SETX: variants seen among roughly 807,000 people sequenced by gnomAD.
The protein encoded by SETX is senataxin, also known as helicase senataxin.
A neutral mutation model predicts 227.2 loss-of-function variants in SETX; 90 were observed. That is an observed-to-expected ratio of 0.40 (90% CI 0.33 to 0.47). The LOEUF is 0.47. Among genes scored for constraint, SETX ranks in the 20% least tolerant of loss-of-function variants. The probability of loss-of-function intolerance (pLI) is 0.91; values close to 1 mark genes in which losing one functional copy is unlikely to be tolerated. For synonymous variants in SETX, 1,210 were observed against 1,113.2 expected (o/e 1.09, Z -1.73); for missense variants, 3,052 against 3,181.5 (o/e 0.96, Z 0.98).
At chr9:132,344,603 G>A (rs922939452) in intron 4 of SETX, among the ~76,000 whole-genome samples, 1 of 152,120 alleles carries the variant, frequency 6.6e-6, no homozygotes, top group Non-Finnish European at 1.5e-5. Context: ...GGCCAGGCAC[G>A]CTGGCTTACA....
chr9:132,262,298 G>A lies in SETX; in HGVS notation c.*1941C>T, dbSNP rs143266936. On this transcript the variant is annotated 3_prime_UTR_variant, in exon 26 of 26. Transcript: ENST00000224140. Reference sequence around the variant, plus strand: ...TAGTATTAACATGAGCAGCGTGAGAGACATCCTGACCCCAACGTTTTTGCC... The same window carrying A: ...TAGTATTAACATGAGCAGCGTGAGAAACATCCTGACCCCAACGTTTTTGCC... 2 of 152,202 alleles carry A rather than the reference G, an allele frequency of 1.3e-5. No homozygotes were observed. The highest frequency in any genetic ancestry group is 6.5e-5 in the Admixed American group (1 of 15,278). 9.4% of individuals were successfully genotyped at this position (152,202 alleles called of 1,614,324 possible). A position where few individuals can be genotyped will look rare whatever the true frequency, so the allele number is the denominator to read the frequency against.
intron 10 of SETX, among the ~76,000 whole-genome samples, chr9:132,320,560 C>T (rs772146929): frequency 2.9e-5 from 4 of 135,760 alleles, no homozygotes; most frequent in Non-Finnish European, 6.1e-5. Flanking sequence ...CACCACTGCA[C>T]TCCAGCCTGA....
At chr9:132,266,151 T>G (rs1320503632) in intron 25 of SETX, 2 of 152,350 alleles carry the variant, frequency 1.3e-5, no homozygotes, top group Non-Finnish European at 2.9e-5. Context: ...TCCTGTACTG[T>G]TCATAAAGGT....
At chr9:132,304,542 T>C (rs1348687723) in intron 11 of SETX, among the ~76,000 whole-genome samples, 3 of 146,908 alleles carry the variant, frequency 2.0e-5, no homozygotes, top group Non-Finnish European at 4.5e-5. Flanking sequence ...AACATACTAA[T>C]GAAAATTCTC....
At chr9:132,317,146 T>C (rs187290922) in intron 10 of SETX, among the ~76,000 whole-genome samples, 9 of 152,342 alleles carry the variant, frequency 5.9e-5, no homozygotes, top group Non-Finnish European at 1.2e-4. Flanking sequence ...TTTCCATAAG[T>C]GTCTCATGCA....
Position 132,330,271 on chromosome 9 carries a change from C to A in SETX, c.1327G>T (p.Val443Phe), listed in dbSNP as rs915069554. 2 of 1,583,888 alleles carry A rather than the reference C, an allele frequency of 1.3e-6. No homozygotes were observed. Among genetic ancestry groups the A allele is most frequent in the Non-Finnish European group, 1.7e-6 (2 of 1,163,686 alleles). ...CACACAGCATCTGTTTGGTTGAGGA[C>A]TTCTTTGACTTCAGAGTACAGATGA... ...VNHLYSEVKE[V>F]LNQTDAVCDK... is the part of the protein sequence containing the mutation. Residue 443 changes from valine to phenylalanine, a missense_variant, in exon 10 of 26, where the codon GTC becomes TTC. Around this residue, in one of 10 missense-constraint regions of SETX, gnomAD observed 179 missense variants for 197.1 expected, o/e 0.91. Coordinates refer to ENST00000224140, the MANE Select transcript of SETX (RefSeq NM_015046.7).
At chr9:132,347,078 A>G (rs921463397) in intron 3 of SETX, among the ~76,000 whole-genome samples, 4 of 151,846 alleles carry the variant, frequency 2.6e-5, no homozygotes, top group Non-Finnish European at 5.9e-5. Context: ...AACACGGAGG[A>G]ACCTCGTCTC....
intron 19 of SETX, among the ~76,000 whole-genome samples, chr9:132,282,202 G>A (rs911019818): frequency 2.6e-5 from 4 of 151,460 alleles, no homozygotes; most frequent in Non-Finnish European, 5.9e-5. Flanking sequence ...TCCTAGATGC[G>A]TGCTTTTTGT....
intron 11 of SETX, among the ~76,000 whole-genome samples, chr9:132,308,234 T>C (rs905487106): frequency 7.9e-5 from 12 of 152,288 alleles, no homozygotes; most frequent in African/African-American, 2.9e-4. Flanking sequence ...TGATGGAACA[T>C]ACCACCAACT....
intron 4 of SETX, among the ~76,000 whole-genome samples, chr9:132,344,671 T>C (rs1217783183): frequency 2.0e-5 from 3 of 152,162 alleles, no homozygotes; most frequent in Non-Finnish European, 4.4e-5. Flanking sequence ...GGTCAGGAGC[T>C]TGAGACTAGC....
intron 20 of SETX, 120 bp from the exon 21 acceptor site, chr9:132,278,377 C>T: frequency 2.4e-6 from 2 of 841,636 alleles, no homozygotes; most frequent in Non-Finnish European, 3.8e-6. Flanking sequence ...CATAAGATTA[C>T]CAACCACAGC....
At chr9:132,299,477 C>T (rs1460600083) in intron 12 of SETX, among the ~76,000 whole-genome samples, 2 of 152,178 alleles carry the variant, frequency 1.3e-5, no homozygotes, top group African/African-American at 4.8e-5. Flanking sequence ...ATCCTATATT[C>T]TACAGAATTA....
At position 132,337,407 on chromosome 9, in the gene SETX, G is replaced by C. The variant is rs149718563; in HGVS notation, c.499-892C>G. ...TGATTTTAAATTTCTTGGAGACTATGAATTAAATTTAGTGCTCACAACCAA... is the reference window on the plus strand; with the variant it reads ...TGATTTTAAATTTCTTGGAGACTATCAATTAAATTTAGTGCTCACAACCAA... On this transcript the variant is annotated intron_variant, in intron 5 of 25. Transcript: ENST00000224140. Among the ~76,000 whole-genome samples the C allele has an allele frequency of 3.4e-3, 485 of 142,022 alleles. 3 individuals are homozygous for C. Among genetic ancestry groups the C allele is most frequent in the African/African-American group, 0.012 (461 of 38,224 alleles). The allele number at this position is 142,022 out of a possible 152,430, so 93.2% of individuals were successfully genotyped here. A position where few individuals can be genotyped will look rare whatever the true frequency, so the allele number is the denominator to read the frequency against.
chr9:132,340,724 G>A (rs902444386), intron 5 of SETX, among the ~76,000 whole-genome samples: 1 of 152,174 alleles, frequency 6.6e-6, no homozygotes. Context: ...TTGTCTCAGT[G>A]CCTCACAAAT....
At chr9:132,273,809 TCTGG>T (rs1197485680) in intron 23 of SETX, among the ~76,000 whole-genome samples, 1 of 152,188 alleles carries the variant, frequency 6.6e-6, no homozygotes, top group Non-Finnish European at 1.5e-5. Context: ...ACTTAACTGC[TCTGG>T]CTAAAACCTC....
Position 132,264,518 on chromosome 9 carries a change from G to A in SETX, c.7755C>T (p.Ser2585=). Residue 2585 remains serine (S), a synonymous_variant, in exon 26 of 26, where the codon AGC becomes AGT. Transcript: ENST00000224140. ...PGFPVVHQDL[S]HIQQPAAVVA... Reference sequence around the variant, plus strand: ...CTACAGCAGCGGGCTGCTGTATATGGCTCAGGTCCTGGTGAACGACAGGGA... The same window carrying A: ...CTACAGCAGCGGGCTGCTGTATATGACTCAGGTCCTGGTGAACGACAGGGA... The A allele has an allele frequency of 6.2e-7, 1 of 1,613,926 alleles. No homozygotes were observed. The highest frequency in any genetic ancestry group is 8.5e-7 in the Non-Finnish European group (1 of 1,179,948).
chr9:132,318,061 T>G (rs1310962259), intron 10 of SETX, among the ~76,000 whole-genome samples: 4 of 152,194 alleles, frequency 2.6e-5, no homozygotes, highest in African/African-American at 9.7e-5. Context: ...CTTGTCTATT[T>G]TCTGCTTCTA....
intron 1 of SETX, 118 bp downstream of exon 1, chr9:132,354,799 C>T (rs1848819916): frequency 6.6e-6 from 1 of 152,198 alleles, no homozygotes; most frequent in Non-Finnish European, 1.5e-5. Flanking sequence ...ACTCTTCCCC[C>T]ATCCGCCCAC....
Position 132,288,576 on chromosome 9 carries a change from A to G in SETX, c.6182T>C (p.Leu2061Ser). 6.2e-7 allele frequency: 1 copy of G among 1,613,794 alleles called. No individual in the cohort carries two copies. The highest frequency in any genetic ancestry group is 8.5e-7 in the Non-Finnish European group (1 of 1,179,764). Residue 2061 changes from leucine (L) to serine (S), a missense_variant, in exon 16 of 26, where the codon TTG (leucine) becomes TCG (serine). By Grantham distance (145) the Leu-to-Ser change is moderately radical. Transcript: ENST00000224140. ...SINSEVLKFS[L>S]DSQVNHRMKK... ...CATTCTGTGGTTTACTTGGCTGTCC[A>G]AACTGAACTTTAGAACCTCACTATT...
Sources: allele counts gnomAD v4.1 joint callset (sites outside exome capture counted in the v4.1 genomes callset), GRCh38; gene constraint gnomAD v4.1.1; regional missense constraint gnomAD v4.1.1; transcripts MANE v1.5; gene names NCBI Gene and HGNC (gene_info 2026-07-23, HGNC 2026-07-21).